C1QTNF7: variants seen among roughly 807,000 people sequenced by gnomAD.
C1QTNF7 encodes complement C1q tumor necrosis factor-related protein 7.
C1QTNF7 carries 15 observed loss-of-function variants against 19.6 expected under a neutral mutation model. The ratio of observed to expected loss-of-function variants is 0.76; its 90% CI spans 0.51 to 1.18. The LOEUF (loss-of-function observed/expected upper bound fraction) is 1.18, where lower values mean the gene tolerates loss of function less well. C1QTNF7 is among the 50% of genes most tolerant of loss of function. The pLI, the probability that C1QTNF7 is intolerant of heterozygous loss-of-function variation, is 0.00. For missense variants in C1QTNF7, 324 were observed against 359.7 expected, an observed-to-expected ratio of 0.90 and a Z score of 0.80; for synonymous variants, 142 against 137.5, an observed-to-expected ratio of 1.03 and a Z score of -0.23.
intron 2 of C1QTNF7, among the ~76,000 whole-genome samples, chr4:15,439,231 C>G (rs940454239): frequency 2.6e-5 from 4 of 152,180 alleles, no homozygotes; most frequent in African/African-American, 4.8e-5. Context: ...TACATTATTA[C>G]AGCTAGTCCA....
chr4:15,431,507 T>G (rs1018502197), intron 1 of C1QTNF7, among the ~76,000 whole-genome samples: 4 of 152,332 alleles, frequency 2.6e-5, no homozygotes, highest in Non-Finnish European at 5.9e-5. Context: ...AAAATTAATT[T>G]TAAAATATTT....
At chr4:15,425,278 G>A (rs1711985612), upstream of C1QTNF7, among the ~76,000 whole-genome samples, 1 of 152,114 alleles carries the variant, frequency 6.6e-6, no homozygotes, top group African/African-American at 2.4e-5. Flanking sequence ...ATCTAGTTAA[G>A]AGCCAGTGAG....
At chr4:15,358,358 T>G (rs1405780192) in intron 1 of C1QTNF7, 2 of 152,362 alleles carry the variant, frequency 1.3e-5, no homozygotes, top group East Asian at 3.9e-4. Context: ...TGGTTCTGTT[T>G]ATGTGATGGA....
intron 1 of C1QTNF7, among the ~76,000 whole-genome samples, chr4:15,414,056 C>T (rs762665683): frequency 7.1e-4 from 108 of 152,298 alleles, no homozygotes; most frequent in Non-Finnish European, 1.3e-3. Flanking sequence ...CTCAAGCGTT[C>T]CTCACTCATG....
chr4:15,426,340 ACT>A (rs1402877254), upstream of C1QTNF7, among the ~76,000 whole-genome samples: 6 of 152,200 alleles, frequency 3.9e-5, no homozygotes, highest in African/African-American at 7.2e-5. Flanking sequence ...TGAAATAGAC[ACT>A]GACAAGCTTT....
intron 1 of C1QTNF7, among the ~76,000 whole-genome samples, chr4:15,348,939 T>G (rs1716806428): frequency 6.6e-6 from 1 of 152,172 alleles, no homozygotes; most frequent in East Asian, 1.9e-4. Context: ...CAGAGCACAC[T>G]CACTACACAG....
intron 1 of C1QTNF7, among the ~76,000 whole-genome samples, chr4:15,341,483 G>A (rs992572607): frequency 1.1e-4 from 17 of 152,204 alleles, no homozygotes; most frequent in African/African-American, 3.6e-4. Context: ...TTAAGGTTAA[G>A]AAGGACACTT....
At chr4:15,385,013 C>T (rs569670081) in intron 1 of C1QTNF7, among the ~76,000 whole-genome samples, 7 of 152,324 alleles carry the variant, frequency 4.6e-5, no homozygotes, top group East Asian at 1.9e-4. Context: ...TAGGAGCTTG[C>T]GATTTCTTGA....
chr4:15,397,217 G>T (rs1462076310), intron 1 of C1QTNF7, among the ~76,000 whole-genome samples: 1 of 152,176 alleles, frequency 6.6e-6, no homozygotes, highest in Non-Finnish European at 1.5e-5. Context: ...GATGAGATTT[G>T]GGTGGGGACA....
intron 1 of C1QTNF7, among the ~76,000 whole-genome samples, chr4:15,418,244 CT>C (rs949860659): frequency 6.6e-6 from 1 of 152,134 alleles, no homozygotes; most frequent in African/African-American, 2.4e-5. Flanking sequence ...CTCCCCAGCC[CT>C]CTCTAATACC....
intron 1 of C1QTNF7, among the ~76,000 whole-genome samples, chr4:15,355,884 G>T (rs1449299692): frequency 6.6e-6 from 1 of 152,014 alleles, no homozygotes; most frequent in African/African-American, 2.4e-5. Flanking sequence ...AAAAGACAGG[G>T]TACCACTACG....
At chr4:15,349,648 G>A (rs1716838403) in intron 1 of C1QTNF7, among the ~76,000 whole-genome samples, 1 of 152,100 alleles carries the variant, frequency 6.6e-6, no homozygotes, top group African/African-American at 2.4e-5. Context: ...AAAGTGACCC[G>A]TGTATTCTCT....
At chr4:15,367,369 T>C (rs570159632) in intron 1 of C1QTNF7, among the ~76,000 whole-genome samples, 103 of 152,312 alleles carry the variant, frequency 6.8e-4, no homozygotes, top group African/African-American at 2.4e-3. Context: ...CAAGTGGCGG[T>C]CATATACTTG....
At chr4:15,351,998 A>C (rs539059071) in intron 1 of C1QTNF7, among the ~76,000 whole-genome samples, 1 of 152,262 alleles carries the variant, frequency 6.6e-6, no homozygotes, top group East Asian at 1.9e-4. Flanking sequence ...GGGAGGCCTA[A>C]GCGTATTTGA....
chr4:15,432,675 G>A (rs898842605), intron 1 of C1QTNF7, among the ~76,000 whole-genome samples: 10 of 152,180 alleles, frequency 6.6e-5, no homozygotes, highest in South Asian at 4.1e-4. Context: ...GAATACAGGC[G>A]TGAGCCATCG....
chr4:15,357,302 G>A (rs1717178686), intron 1 of C1QTNF7, among the ~76,000 whole-genome samples: 1 of 152,144 alleles, frequency 6.6e-6, no homozygotes, highest in South Asian at 2.1e-4. Flanking sequence ...TCCAGTTTCA[G>A]TTTTCTGCAT....
Position 15,442,577 on chromosome 4 carries a change from C to T in C1QTNF7, c.648C>T (p.Tyr216=). 6.2e-7 allele frequency: 1 copy of T among 1,614,140 alleles called. No individual in the cohort carries two copies. The highest frequency in any genetic ancestry group is 8.5e-7 in the Non-Finnish European group (1 of 1,180,032). Reference sequence around the variant, plus strand: ...TCGGACTGGTACACAATGGGCAATACCGGATAAAGACCTTCGACGCCAACA... The same window carrying T: ...TCGGACTGGTACACAATGGGCAATATCGGATAAAGACCTTCGACGCCAACA... The part of the protein sequence containing the change: ...LAIGLVHNGQ[Y]RIKTFDANTG... Residue 216 remains tyrosine, a synonymous_variant, in exon 3 of 3, where the codon TAC becomes TAT. Transcript: ENST00000444304.
chr4:15,340,175 G>A, exon 1 of C1QTNF7: 1 of 1,551,546 alleles, frequency 6.4e-7, no homozygotes, highest in Non-Finnish European at 8.7e-7. Flanking sequence ...CATGTTTTGG[G>A]GGAAAGTTTG....
At chr4:15,392,826 A>C (rs1486085958) in intron 1 of C1QTNF7, among the ~76,000 whole-genome samples, 1 of 152,242 alleles carries the variant, frequency 6.6e-6, no homozygotes, top group Non-Finnish European at 1.5e-5. Context: ...GAAAATGTAC[A>C]GGTGAGAGTA....
Sources: gnomAD v4.1 joint callset for allele counts (sites outside exome capture counted in the v4.1 genomes callset) on GRCh38, gnomAD v4.1.1 for gene constraint, MANE v1.5 for transcripts, NCBI Gene and HGNC (gene_info 2026-07-23, HGNC 2026-07-21) for gene names.